Variants in OTC observed in about 807,000 individuals in gnomAD.
OTC encodes ornithine transcarbamylase.
A neutral mutation model predicts 30.3 loss-of-function variants in OTC; 3 were observed. The observed-to-expected ratio is 0.10, with a 90% CI of 0.05 to 0.26. OTC has a LOEUF of 0.26. Among genes scored for constraint, OTC ranks in the 10% least tolerant of loss-of-function variants. OTC has a pLI of 1.00. For missense variants in OTC, 194 were observed against 260.3 expected (o/e 0.75, Z 1.75); for synonymous variants, 111 against 99.7 (o/e 1.11, Z -0.67).
intron 8 of OTC, among the ~76,000 whole-genome samples, chrX:38,409,257 G>C (rs1394064273): frequency 9.0e-6 from 1 of 111,711 alleles, no homozygotes; most frequent in East Asian, 2.8e-4. Flanking sequence ...AGAGGAGCAG[G>C]CTTTTCCCTC....
At chrX:38,354,551 A>G (rs1439547117) in intron 1 of OTC, among the ~76,000 whole-genome samples, 2 of 108,973 alleles carry the variant, frequency 1.8e-5, no homozygotes, top group African/African-American at 6.7e-5. Context: ...TTTTTTTTGT[A>G]TTTACTAATA....
At chrX:38,389,377 AT>A (rs1357362943) in intron 4 of OTC, among the ~76,000 whole-genome samples, 2 of 89,958 alleles carry the variant, frequency 2.2e-5, no homozygotes, top group Admixed American at 1.3e-4. Context: ...GGAGTGAACC[AT>A]TGTCATATTA....
the OTC span, among the ~76,000 whole-genome samples, chrX:38,344,543 A>G: frequency 6.3e-5 from 7 of 111,339 alleles, no homozygotes; most frequent in African/African-American, 2.3e-4. Context: ...ACATGTGGAA[A>G]AAAAAACTCA....
intron 9 of OTC, among the ~76,000 whole-genome samples, chrX:38,418,544 C>T (rs947581836): frequency 1.8e-5 from 2 of 112,117 alleles, no homozygotes; most frequent in Non-Finnish European, 3.8e-5. Flanking sequence ...TGAACAATTA[C>T]AAGACTCATG....
chrX:38,418,736 G>A (rs1284170840), intron 9 of OTC, among the ~76,000 whole-genome samples: 3 of 111,746 alleles, frequency 2.7e-5, no homozygotes, highest in African/African-American at 9.8e-5. Context: ...GTTTTATAAG[G>A]GAAAAGCCCT....
intron 6 of OTC, among the ~76,000 whole-genome samples, chrX:38,408,361 T>G (rs2068525544): frequency 1.8e-5 from 2 of 111,789 alleles, no homozygotes; most frequent in South Asian, 7.4e-4. Context: ...GAAGAAAGAA[T>G]TTCAGACAAG....
Position 38,421,259 on chromosome X carries a change from A to G in OTC, c.*177A>G, listed in dbSNP as rs1014508535. On this transcript the variant is annotated 3_prime_UTR_variant, in exon 10 of 10. Transcript: ENST00000039007. ...CCTTAAGCCTTTAATTTAAGTGCTG[A>G]TGCACTGTAATACGTGCTTAACTTT... 6 of 445,832 alleles carry G rather than the reference A, an allele frequency of 1.3e-5. No homozygotes were observed. The African/African-American group carries it at 1.5e-4, about 11-fold the overall frequency. The allele number at this position is 445,832 out of a possible 1,213,427, so 36.7% of individuals were successfully genotyped here. A position where few individuals can be genotyped will look rare whatever the true frequency, so the allele number is the denominator to read the frequency against.
chrX:38,359,191 A>T (rs1243572680), intron 1 of OTC, among the ~76,000 whole-genome samples: 4 of 110,979 alleles, frequency 3.6e-5, no homozygotes, highest in Non-Finnish European at 7.6e-5. Flanking sequence ...TTGGCCCTTG[A>T]CTCATAGTGC....
chrX:38,350,920 C>A (rs763451465), upstream of OTC, among the ~76,000 whole-genome samples: 2 of 111,946 alleles, frequency 1.8e-5, no homozygotes, highest in Non-Finnish European at 3.8e-5. Context: ...GCCTCATCTC[C>A]CTCAGGCTCC....
chrX:38,356,087 C>A (rs2068239974), intron 1 of OTC, among the ~76,000 whole-genome samples: 2 of 105,399 alleles, frequency 1.9e-5, no homozygotes, highest in African/African-American at 6.9e-5. Flanking sequence ...CACTTCACTT[C>A]AGAAAACCAT....
At chrX:38,395,157 G>A (rs1443087415) in intron 4 of OTC, among the ~76,000 whole-genome samples, 1 of 110,312 alleles carries the variant, frequency 9.1e-6, no homozygotes, top group African/African-American at 3.3e-5. Flanking sequence ...ATTTTTAGTA[G>A]AGACGGGGTT....
chrX:38,348,638 G>T (rs1196088085), upstream of OTC, among the ~76,000 whole-genome samples: 1 of 105,530 alleles, frequency 9.5e-6, no homozygotes, highest in South Asian at 4.3e-4. Context: ...CTGGGTTCAC[G>T]CCATTCTCCT....
intron 8 of OTC, 146 bp from the exon 9 acceptor site, chrX:38,411,716 T>G: frequency 3.9e-5 from 23 of 586,186 alleles, no homozygotes; most frequent in East Asian, 6.8e-5. Flanking sequence ...CTAGGTGTCT[T>G]GAGATAAAAC....
intron 4 of OTC, among the ~76,000 whole-genome samples, chrX:38,387,789 A>G (rs1468740435): frequency 1.8e-5 from 2 of 112,177 alleles, no homozygotes; most frequent in Non-Finnish European, 3.8e-5. Flanking sequence ...GGTGTCACAC[A>G]GGATGTGCTT....
intron 4 of OTC, among the ~76,000 whole-genome samples, chrX:38,400,384 A>C (rs1385510026): frequency 9.0e-6 from 1 of 111,676 alleles, no homozygotes; most frequent in Non-Finnish European, 1.9e-5. Context: ...TAAGCACCAG[A>C]GTTTATTGCT....
chrX:38,374,948 T>C (rs897072503), intron 3 of OTC, among the ~76,000 whole-genome samples: 2 of 112,571 alleles, frequency 1.8e-5, no homozygotes, highest in Non-Finnish European at 3.7e-5. Flanking sequence ...CGTTGCTTCA[T>C]AGATAATAGA....
At chrX:38,373,053 AACAC>A (rs2068330141) in intron 3 of OTC, among the ~76,000 whole-genome samples, 1 of 112,234 alleles carries the variant, frequency 8.9e-6, no homozygotes, top group African/African-American at 3.2e-5. Flanking sequence ...ATTAAAGTGT[AACAC>A]ACAAACAGAA....
At chrX:38,367,934 T>C (rs1292818423) in intron 2 of OTC, among the ~76,000 whole-genome samples, 1 of 110,905 alleles carries the variant, frequency 9.0e-6, no homozygotes, top group Non-Finnish European at 1.9e-5. Context: ...GCCAGGCTGG[T>C]CTCAAACTCT....
intron 1 of OTC, among the ~76,000 whole-genome samples, chrX:38,353,714 C>T (rs192537327): frequency 9.0e-6 from 1 of 111,252 alleles, no homozygotes; most frequent in Non-Finnish European, 1.9e-5. Context: ...ATAAGGCTCT[C>T]AGAAGTCAGA....
Sources: allele counts gnomAD v4.1 joint callset (sites outside exome capture counted in the v4.1 genomes callset), GRCh38; gene constraint gnomAD v4.1.1; transcripts MANE v1.5; gene names NCBI Gene and HGNC (gene_info 2026-07-23, HGNC 2026-07-21).